The following OPCML variants were observed in gnomAD, a reference collection of about 807,000 sequenced individuals.
OPCML encodes the protein opioid-binding protein/cell adhesion molecule.
OPCML carries 13 observed loss-of-function variants against 37.8 expected under a neutral mutation model. The observed-to-expected ratio is 0.34, with a 90% CI of 0.22 to 0.55. The LOEUF (loss-of-function observed/expected upper bound fraction) is 0.55, where lower values mean the gene tolerates loss of function less well. Among genes scored for constraint, OPCML ranks in the 20% least tolerant of loss-of-function variants. The pLI, the probability that OPCML is intolerant of heterozygous loss-of-function variation, is 0.91. For missense variants in OPCML, 341 were observed against 435.6 expected, an observed-to-expected ratio of 0.78 and a Z score of 1.93; for synonymous variants, 176 against 168.8, an observed-to-expected ratio of 1.04 and a Z score of -0.33.
At chr11:132,766,960 T>A (rs1413632039) in intron 2 of OPCML, among the ~76,000 whole-genome samples, 2 of 152,238 alleles carry the variant, frequency 1.3e-5, no homozygotes, top group Non-Finnish European at 2.9e-5. Flanking sequence ...AGGGTTATGA[T>A]GTTTGCAGCT....
intron 1 of OPCML, among the ~76,000 whole-genome samples, chr11:133,344,603 A>G (rs1217587978): frequency 6.6e-6 from 1 of 152,154 alleles, no homozygotes; most frequent in Non-Finnish European, 1.5e-5. Context: ...CTCCTGCACC[A>G]AAAACAACTC....
chr11:133,246,492 G>A (rs1471678499), intron 1 of OPCML, among the ~76,000 whole-genome samples: 1 of 152,210 alleles, frequency 6.6e-6, no homozygotes, highest in Non-Finnish European at 1.5e-5. Context: ...GTTGCAGGGG[G>A]ACAGTATTGG....
At chr11:133,410,754 G>T (rs535321577) in intron 1 of OPCML, among the ~76,000 whole-genome samples, 21 of 136,534 alleles carry the variant, frequency 1.5e-4, no homozygotes, top group Admixed American at 1.3e-3. Flanking sequence ...GGGCTTTAAA[G>T]AAATATATTT....
At chr11:132,797,008 A>T (rs1301052571) in intron 2 of OPCML, among the ~76,000 whole-genome samples, 1 of 152,200 alleles carries the variant, frequency 6.6e-6, no homozygotes, top group African/African-American at 2.4e-5. Context: ...TCTAGATAAA[A>T]ATCTCTTAAC....
At chr11:133,306,555 GAGATGT>G (rs1942925024) in intron 1 of OPCML, among the ~76,000 whole-genome samples, 1 of 151,418 alleles carries the variant, frequency 6.6e-6, no homozygotes, top group South Asian at 2.1e-4. Context: ...ATATATGTGT[GAGATGT>G]AGTCTCCACA....
At chr11:133,037,989 C>A (rs2136938345) in intron 1 of OPCML, among the ~76,000 whole-genome samples, 1 of 152,348 alleles carries the variant, frequency 6.6e-6, no homozygotes, top group Middle Eastern at 3.4e-3. Context: ...CAAATGAATG[C>A]ATGCTACTAG....
At chr11:132,902,986 G>C (rs997903747) in intron 2 of OPCML, among the ~76,000 whole-genome samples, 3 of 152,012 alleles carry the variant, frequency 2.0e-5, no homozygotes, top group African/African-American at 4.8e-5. Flanking sequence ...GAGCCCAGAG[G>C]AACTTTGCTC....
At chr11:132,505,168 G>A (rs1183027330) in intron 4 of OPCML, among the ~76,000 whole-genome samples, 8 of 152,112 alleles carry the variant, frequency 5.3e-5, no homozygotes, top group African/African-American at 1.9e-4. Context: ...TACTCAAAAG[G>A]CAGAGAATAG....
chr11:132,507,023 T>C (rs2096258544), intron 4 of OPCML, among the ~76,000 whole-genome samples: 2 of 151,654 alleles, frequency 1.3e-5, no homozygotes, highest in African/African-American at 4.8e-5. Flanking sequence ...GCTGAGCAAA[T>C]GTACATTTAG....
intron 1 of OPCML, among the ~76,000 whole-genome samples, chr11:133,093,070 T>C (rs1464281923): frequency 2.0e-5 from 3 of 152,108 alleles, no homozygotes; most frequent in South Asian, 2.1e-4. Context: ...ATAATTATTA[T>C]TATTAATTTT....
intron 1 of OPCML, among the ~76,000 whole-genome samples, chr11:133,226,132 T>A (rs542982698): frequency 6.6e-6 from 1 of 152,348 alleles, no homozygotes; most frequent in East Asian, 1.9e-4. Flanking sequence ...GGATATAGAC[T>A]GACTGGATGT....
At chr11:132,907,617 G>C (rs752229223) in intron 2 of OPCML, among the ~76,000 whole-genome samples, 1 of 142,062 alleles carries the variant, frequency 7.0e-6, no homozygotes, top group East Asian at 2.0e-4. Flanking sequence ...GTGACAGAGC[G>C]AAACTCTGTC....
At position 133,418,229 on chromosome 11, in the gene OPCML, C is replaced by T. The variant is rs912435819; in HGVS notation, c.61+114035G>A. On this transcript the variant is annotated intron_variant, in intron 1 of 7. Coordinates refer to ENST00000524381, the MANE Select transcript of OPCML (RefSeq NM_001012393.5). ...ACCTGATAGGTGTGGTGATCTGTAT[C>T]TAGTTTTTAAGAAGGCCAAGTACAA... 5.1e-6 allele frequency: 5 copies of T among 985,254 alleles called. No individual in the cohort carries two copies. The Middle Eastern group carries it at 1.5e-3, about 305-fold the overall frequency. The allele number at this position is 985,254 out of a possible 1,614,324, so 61.0% of individuals were successfully genotyped here. A position where few individuals can be genotyped will look rare whatever the true frequency, so the allele number is the denominator to read the frequency against.
At chr11:133,289,099 C>A (rs866892544) in intron 1 of OPCML, among the ~76,000 whole-genome samples, 1 of 152,076 alleles carries the variant, frequency 6.6e-6, no homozygotes, top group Non-Finnish European at 1.5e-5. Context: ...CCAGAATTAT[C>A]CGAGGATTAG....
At chr11:132,469,873 ATGTGTGGGAGG>A in intron 4 of OPCML, among the ~76,000 whole-genome samples, 1 of 75,092 alleles carries the variant, frequency 1.3e-5, no homozygotes, top group Non-Finnish European at 2.4e-5. Flanking sequence ...GGGGGTGTGT[ATGTGTGGGAGG>A]TGTGTGTGTG....
intron 1 of OPCML, among the ~76,000 whole-genome samples, chr11:133,162,404 G>A (rs7112210): frequency 0.29 from 43,495 of 152,120 alleles, 6,295 homozygotes; most frequent in South Asian, 0.36. Flanking sequence ...AAAATGGAAC[G>A]TGGCTGAGTT....
At chr11:132,819,589 AT>A (rs1421945261) in intron 2 of OPCML, among the ~76,000 whole-genome samples, 1 of 152,214 alleles carries the variant, frequency 6.6e-6, no homozygotes, top group Non-Finnish European at 1.5e-5. Flanking sequence ...ACTGGGAGGA[AT>A]GAATATTTTA....
intron 3 of OPCML, among the ~76,000 whole-genome samples, chr11:132,583,909 C>T (rs770557014): frequency 6.6e-6 from 1 of 152,014 alleles, no homozygotes. Flanking sequence ...CCACTGTGCC[C>T]GGCCTATAGG....
intron 1 of OPCML, among the ~76,000 whole-genome samples, chr11:133,443,947 C>T (rs1946417712): frequency 6.6e-6 from 1 of 151,976 alleles, no homozygotes; most frequent in Non-Finnish European, 1.5e-5. Flanking sequence ...TCTCCAAACA[C>T]ACAAAAAAAC....
Sources: allele counts gnomAD v4.1 joint callset (sites outside exome capture counted in the v4.1 genomes callset), GRCh38; gene constraint gnomAD v4.1.1; transcripts MANE v1.5; gene names NCBI Gene and HGNC (gene_info 2026-07-23, HGNC 2026-07-21).